ASXL3: variants seen among roughly 807,000 people sequenced by gnomAD.
The protein encoded by ASXL3 is putative Polycomb group protein ASXL3.
Under a neutral mutation model 170.6 loss-of-function variants are expected in ASXL3, and 34 were observed. That is an observed-to-expected ratio of 0.20 (90% CI 0.15 to 0.27). The LOEUF (loss-of-function observed/expected upper bound fraction) is 0.27. ASXL3 is among the 10% of genes least tolerant of loss of function. The probability of loss-of-function intolerance (pLI) is 1.00; values close to 1 mark genes in which losing one functional copy is unlikely to be tolerated. For missense variants in ASXL3, 2,592 were observed against 2,695.3 expected (o/e 0.96, Z 0.85); for synonymous variants, 1,002 against 989.1 (o/e 1.01, Z -0.24).
intron 2 of ASXL3, among the ~76,000 whole-genome samples, chr18:33,630,545 G>A (rs970490158): frequency 6.6e-6 from 1 of 151,948 alleles, no homozygotes; most frequent in African/African-American, 2.4e-5. Context: ...ATTGGCACTC[G>A]TCTTGTGTTA....
intron 2 of ASXL3, among the ~76,000 whole-genome samples, chr18:33,615,715 T>G (rs2065411992): frequency 6.6e-6 from 1 of 152,148 alleles, no homozygotes; most frequent in Admixed American, 6.6e-5. Flanking sequence ...GCTACAGTCT[T>G]TTGTATGTTT....
At chr18:33,734,702 G>A (rs542752005) in intron 10 of ASXL3, among the ~76,000 whole-genome samples, 3 of 152,218 alleles carry the variant, frequency 2.0e-5, no homozygotes, top group African/African-American at 7.2e-5. Context: ...TAATAGATTT[G>A]AGTAAAATTA....
At chr18:33,650,789 A>G (rs1238278815) in intron 4 of ASXL3, among the ~76,000 whole-genome samples, 1 of 152,152 alleles carries the variant, frequency 6.6e-6, no homozygotes, top group East Asian at 1.9e-4. Context: ...GTGAAAGAAT[A>G]GTAAATAGCT....
rs182357184 is a variant in ASXL3 at position 33,745,211 on chromosome 18, G to A, written c.5363G>A (p.Gly1788Asp). ...TTGCCTCTTCAAACTACCTCAGTGGGTAAAACAGCACCAGAGAGAAACGTT... is the reference window on the plus strand; with the variant it reads ...TTGCCTCTTCAAACTACCTCAGTGGATAAAACAGCACCAGAGAGAAACGTT... ...LPLPLQTTSV[G>D]KTAPERNVEI... is the part of the protein sequence containing the mutation. The change falls in exon 12 of 12, where the codon GGT (glycine) becomes GAT (aspartate). Residue 1788 changes from glycine to aspartate, a missense_variant. This residue lies in a region of ASXL3 where 2,246 missense variants were observed against 2,219.6 expected (regional missense o/e 1.01). Coordinates refer to ENST00000269197, the MANE Select transcript of ASXL3 (RefSeq NM_030632.3). 43 of 1,614,012 alleles carry A rather than the reference G, an allele frequency of 2.7e-5. No individual in the cohort carries two copies. In the East Asian group the frequency reaches 8.9e-4, roughly 33 times the overall value.
chr18:33,645,770 A>T (rs1232112996), intron 3 of ASXL3, among the ~76,000 whole-genome samples: 2 of 151,814 alleles, frequency 1.3e-5, no homozygotes, highest in Admixed American at 6.6e-5. Flanking sequence ...TTTTAATGTC[A>T]AAAGTTAGAC....
At chr18:33,724,994 A>G (rs1469736435) in intron 8 of ASXL3, among the ~76,000 whole-genome samples, 2 of 152,078 alleles carry the variant, frequency 1.3e-5, no homozygotes, top group Non-Finnish European at 2.9e-5. Flanking sequence ...GAGCATGTCT[A>G]TAGAGTCTCC....
chr18:33,651,980 C>A (rs1166091466), intron 4 of ASXL3, among the ~76,000 whole-genome samples: 1 of 152,040 alleles, frequency 6.6e-6, no homozygotes, highest in East Asian at 1.9e-4. Flanking sequence ...GTTTCTTTGA[C>A]TTCTGAAGAG....
At chr18:33,667,323 C>T (rs547388979) in intron 5 of ASXL3, among the ~76,000 whole-genome samples, 1 of 152,248 alleles carries the variant, frequency 6.6e-6, no homozygotes, top group African/African-American at 2.4e-5. Flanking sequence ...AACCCTTTCC[C>T]AGTGAAATTT....
intron 8 of ASXL3, among the ~76,000 whole-genome samples, chr18:33,720,013 A>T (rs1336754466): frequency 6.6e-6 from 1 of 152,060 alleles, no homozygotes; most frequent in Non-Finnish European, 1.5e-5. Context: ...TTATGGAAGA[A>T]GAAGTAGATC....
At chr18:33,633,715 C>T (rs1195635159) in intron 2 of ASXL3, among the ~76,000 whole-genome samples, 1 of 151,718 alleles carries the variant, frequency 6.6e-6, no homozygotes, top group Admixed American at 6.6e-5. Context: ...CGTGATGGCG[C>T]GTGCCTGTAG....
intron 8 of ASXL3, 22 bp from the exon 9 acceptor site, chr18:33,731,946 T>G: frequency 1.9e-6 from 3 of 1,594,086 alleles, no homozygotes; most frequent in Non-Finnish European, 2.6e-6. Context: ...GGAACCTTGT[T>G]TTTGTCGGCT....
rs111265748 is a variant in ASXL3 at position 33,646,885 on chromosome 18, G to T, written c.355+532G>T. The stretch of plus-strand genomic sequence containing the variant: ...TCCAGAATTTTAAGGGGGAGCGGGG[G>T]GGGGGGGCATTTTTCACCTCTGAAT... On this transcript the variant is annotated intron_variant, in intron 4 of 11. Transcript: ENST00000269197. Among the ~76,000 whole-genome samples the T allele has an allele frequency of 8.8e-5, 13 of 147,734 alleles. No homozygotes were observed. In the East Asian group the frequency reaches 1.0e-3, roughly 12 times the overall value.
chr18:33,738,536 A>G lies in ASXL3; in HGVS notation c.1132A>G (p.Asn378Asp). 3.7e-6 allele frequency: 6 copies of G among 1,613,744 alleles called. No individual in the cohort carries two copies. The highest frequency in any genetic ancestry group is 5.1e-6 in the Non-Finnish European group (6 of 1,179,804). ...TGTGAAGCTCACTACTGGACCAAAC[A>G]ACGCTGGAGCTCAAAGTAGTTCTTC... The part of the protein sequence containing the change: ...ESVKLTTGPN[N>D]AGAQSSSSCG... Residue 378 changes from asparagine (N) to aspartate (D), a missense_variant, in exon 11 of 12, where the codon AAC (asparagine) becomes GAC (aspartate). Transcript: ENST00000269197.
At chr18:33,723,445 C>T (rs936214110) in intron 8 of ASXL3, among the ~76,000 whole-genome samples, 1 of 152,126 alleles carries the variant, frequency 6.6e-6, no homozygotes, top group Non-Finnish European at 1.5e-5. Context: ...GAAGTCACTG[C>T]AGATGTGGTG....
chr18:33,686,969 G>A (rs922146947), intron 8 of ASXL3, among the ~76,000 whole-genome samples: 1 of 152,162 alleles, frequency 6.6e-6, no homozygotes, highest in African/African-American at 2.4e-5. Flanking sequence ...GACAGTTGCA[G>A]TAGTTGAGAT....
chr18:33,714,863 A>C lies in ASXL3; in HGVS notation c.880-17105A>C, dbSNP rs529934085. Among the ~76,000 whole-genome samples, 30 of 152,152 alleles carry C rather than the reference A, an allele frequency of 2.0e-4. No homozygotes were observed. The South Asian group carries it at 6.0e-3, about 30-fold the overall frequency. ...GGCTTATTAGTGTTATCTTGAATCC[A>C]TTTTGGGGTAGGAACCTTTTCATAC... On this transcript the variant is annotated intron_variant, in intron 8 of 11. Transcript: ENST00000269197.
In ASXL3 at chr18:33,743,327, T is replaced by C. The variant is rs1293208375; in HGVS notation, c.3479T>C (p.Ile1160Thr). The C allele has an allele frequency of 1.9e-6, 3 of 1,613,914 alleles. 1 individual carries two copies. The highest frequency in any genetic ancestry group is 2.5e-6 in the Non-Finnish European group (3 of 1,179,872). Reference protein sequence around the residue: ...TKMEGSTGVIIVNPNCRSPSN... With the variant: ...TKMEGSTGVITVNPNCRSPSN... ...ATGGAAGGTTCGACTGGTGTCATTA[T>C]TGTCAATCCAAACTGTAGATCTCCT... Residue 1160 changes from isoleucine (I) to threonine (T), a missense_variant, in exon 12 of 12, where the codon ATT (isoleucine) becomes ACT (threonine). Ile to Thr is a moderately conservative substitution (Grantham distance 89, BLOSUM62 -1). Around this residue, in one of 4 missense-constraint regions of ASXL3, gnomAD observed 2,246 missense variants for 2,219.6 expected, o/e 1.01. Transcript: ENST00000269197.
At position 33,611,780 on chromosome 18, in the gene ASXL3, T is replaced by C. The variant is rs59775195; in HGVS notation, c.137+4104T>C. Among the ~76,000 whole-genome samples the C allele has an allele frequency of 9.1e-3, 1,390 of 152,140 alleles. 21 individuals carry two copies. Among genetic ancestry groups the C allele is most frequent in the African/African-American group, 0.032 (1,329 of 41,526 alleles). ...AGGAGTACGTCTAGTTACAGTGTTG[T>C]TTTGGGTGATTTTGGGGGACATCCC... On this transcript the variant is annotated intron_variant, in intron 2 of 11. Coordinates refer to ENST00000269197, the MANE Select transcript of ASXL3 (RefSeq NM_030632.3).
intron 2 of ASXL3, among the ~76,000 whole-genome samples, chr18:33,635,573 C>A (rs1312469809): frequency 6.6e-6 from 1 of 152,178 alleles, no homozygotes; most frequent in Non-Finnish European, 1.5e-5. Context: ...TGAAAAGACA[C>A]TCAAAATTCC....
Sources: allele counts gnomAD v4.1 joint callset (sites outside exome capture counted in the v4.1 genomes callset), GRCh38; gene constraint gnomAD v4.1.1; regional missense constraint gnomAD v4.1.1; transcripts MANE v1.5; gene names NCBI Gene and HGNC (gene_info 2026-07-23, HGNC 2026-07-21).